The following PDZK1 variants were observed in gnomAD, a reference collection of about 807,000 sequenced individuals.
PDZK1 encodes the protein Na(+)/H(+) exchange regulatory cofactor NHE-RF3.
PDZK1 carries 23 observed loss-of-function variants against 38.1 expected under a neutral mutation model. The observed-to-expected ratio is 0.60, with a 90% CI of 0.43 to 0.85. The LOEUF is 0.85. Ranked by LOEUF, PDZK1 falls within the 40% of genes least tolerant of loss-of-function variation. PDZK1 has a pLI of 0.00. For synonymous variants in PDZK1, 98 were observed against 186.2 expected, an observed-to-expected ratio of 0.53 and a Z score of 3.86; for missense variants, 297 against 504.3, an observed-to-expected ratio of 0.59 and a Z score of 3.94.
chr1:145,686,723 C>T lies in PDZK1; in HGVS notation c.214G>A (p.Val72Met). The T allele has an allele frequency of 6.7e-7, 1 of 1,495,464 alleles. No homozygotes were observed. The highest frequency in any genetic ancestry group is 1.2e-5 in the South Asian group (1 of 84,244). 92.6% of individuals were successfully genotyped at this position (1,495,464 alleles called of 1,614,324 possible). The change falls in exon 3 of 9, where the codon GTG becomes ATG. Residue 72 changes from valine to methionine, a missense_variant. Transcript: ENST00000417171. ...FVDKEEHMQV[V>M]DLVRKSGNSV... is the part of the protein sequence containing the mutation. The stretch of plus-strand genomic sequence containing the variant: ...TTCCCACTCTTTCTGACCAGATCCA[C>T]AACCTAGGAGGGAAGAAGAAAAAGG...
At chr1:145,684,460 G>A (rs1349859678) in intron 3 of PDZK1, among the ~76,000 whole-genome samples, 44 of 151,840 alleles carry the variant, frequency 2.9e-4, no homozygotes, top group Non-Finnish European at 5.0e-4. Flanking sequence ...TGCCCGCCTC[G>A]GCCTCCCAAA....
intron 1 of PDZK1, among the ~76,000 whole-genome samples, chr1:145,703,564 C>T (rs1553705288): frequency 6.6e-6 from 1 of 152,118 alleles, no homozygotes. Flanking sequence ...AGTCTGGATT[C>T]CTTCCACCAT....
intron 1 of PDZK1, among the ~76,000 whole-genome samples, chr1:145,698,317 T>C (rs74119453): frequency 0.024 from 3,642 of 152,046 alleles, 148 homozygotes; most frequent in African/African-American, 0.083. Flanking sequence ...GAAATCTAGA[T>C]TTACATAAAA....
intron 5 of PDZK1, among the ~76,000 whole-genome samples, chr1:145,679,374 T>TC: frequency 1.3e-5 from 2 of 152,098 alleles, no homozygotes; most frequent in Non-Finnish European, 2.9e-5. Flanking sequence ...AACTGATTCT[T>TC]CCCCAGCATC....
intron 1 of PDZK1, among the ~76,000 whole-genome samples, chr1:145,704,525 C>A (rs1198112363): frequency 6.6e-6 from 1 of 152,164 alleles, no homozygotes; most frequent in Non-Finnish European, 1.5e-5. Context: ...ATTCATTTAA[C>A]CCTCATAACT....
At chr1:145,706,302 A>G (rs1338774067) in intron 1 of PDZK1, among the ~76,000 whole-genome samples, 1 of 152,234 alleles carries the variant, frequency 6.6e-6, no homozygotes, top group Non-Finnish European at 1.5e-5. Context: ...TTCACACCCT[A>G]TGGTGCAGAG....
intron 1 of PDZK1, among the ~76,000 whole-genome samples, chr1:145,689,164 G>A (rs587627807): frequency 1.1e-3 from 174 of 152,276 alleles, no homozygotes; most frequent in African/African-American, 4.1e-3. Flanking sequence ...GCTCACTGCA[G>A]CCTCGAATTC....
At chr1:145,686,181 C>G (rs1180695669) in intron 3 of PDZK1, among the ~76,000 whole-genome samples, 3 of 152,154 alleles carry the variant, frequency 2.0e-5, no homozygotes, top group Non-Finnish European at 4.4e-5. Context: ...CCCTCTGGCC[C>G]CCTGACCTCA....
chr1:145,676,655 G>A (rs1653708882), intron 6 of PDZK1, among the ~76,000 whole-genome samples: 1 of 149,302 alleles, frequency 6.7e-6, no homozygotes, highest in Admixed American at 6.7e-5. Flanking sequence ...GAACCCGGGA[G>A]GTGGAGATTG....
In PDZK1 at chr1:145,687,819, T is replaced by G. The variant is rs782103418; in HGVS notation, c.203A>C (p.His68Pro). The G allele has an allele frequency of 2.5e-6, 4 of 1,612,120 alleles. No homozygotes were observed. In the South Asian group the frequency reaches 4.4e-5, roughly 18 times the overall value. The change falls in exon 2 of 9, where the codon CAT (histidine) becomes CCT (proline). Residue 68 changes from histidine to proline, a missense_variant. Physicochemically the swap from His to Pro is moderately conservative, Grantham distance 77. This residue lies in a region of PDZK1 where 159 missense variants were observed against 200.0 expected (regional missense o/e 0.79). Transcript: ENST00000417171. ...INGVFVDKEE[H>P]MQVVDLVRKS... ...CCCAAATGTCTCATTCACCTGCATA[T>G]GTTCTTCTTTGTCCACAAAGACACC...
At position 145,672,865 on chromosome 1, in the gene PDZK1, C is replaced by T; in HGVS notation, c.1371G>A (p.Lys457=). 1.2e-6 allele frequency: 2 copies of T among 1,610,708 alleles called. No individual in the cohort carries two copies. The highest frequency in any genetic ancestry group is 3.3e-5 in the Admixed American group (2 of 59,918). ...TAGCTTGGAAATAATCATAGGCCTT[C>T]TTTCCACAGACTAGAAGTGTGACAT... ...GKNVTLLVCG[K]KAYDYFQAKK... is the part of the protein sequence containing the mutation. Residue 457 remains lysine (K), a synonymous_variant, in exon 8 of 9, where the codon AAG becomes AAA. Coordinates refer to ENST00000417171, the MANE Select transcript of PDZK1 (RefSeq NM_001201325.2).
intron 1 of PDZK1, among the ~76,000 whole-genome samples, chr1:145,693,541 G>A (rs1486616479): frequency 6.6e-6 from 1 of 151,920 alleles, no homozygotes; most frequent in African/African-American, 2.4e-5. Flanking sequence ...GGCCGAGGCC[G>A]AGGCAGGCAG....
intron 5 of PDZK1, among the ~76,000 whole-genome samples, chr1:145,679,741 G>T (rs1553699952): frequency 6.6e-6 from 1 of 152,066 alleles, no homozygotes; most frequent in Non-Finnish European, 1.5e-5. Flanking sequence ...GATGTGCAAA[G>T]CCCCCAAGAC....
rs1655740831 is a variant in PDZK1 at position 145,698,044 on chromosome 1, AG to A, written c.-3+9272del. Among the ~76,000 whole-genome samples the A allele has an allele frequency of 2.6e-5, 4 of 151,988 alleles. No homozygotes were observed. In the South Asian group the frequency reaches 6.2e-4, roughly 24 times the overall value. ...AATACCTCTTCTCCAGGGGCAGAAG[AG>A]AAGTAGAAAAAAATATGATAAAGAA... is the stretch of plus-strand genomic sequence containing the variant. On this transcript the variant is annotated intron_variant, in intron 1 of 8. Coordinates refer to ENST00000417171, the MANE Select transcript of PDZK1 (RefSeq NM_001201325.2).
chr1:145,699,113 C>A (rs943693800), intron 1 of PDZK1, among the ~76,000 whole-genome samples: 7 of 151,996 alleles, frequency 4.6e-5, no homozygotes, highest in African/African-American at 1.7e-4. Context: ...TGGTGGGCAT[C>A]TGTAATCCCA....
intron 1 of PDZK1, 52 bp from the exon 2 acceptor site, chr1:145,688,075 G>T: frequency 7.0e-7 from 1 of 1,435,280 alleles, no homozygotes; most frequent in Non-Finnish European, 9.8e-7. Flanking sequence ...AATCTAATTG[G>T]AGTGAGAACC....
At position 145,672,675 on chromosome 1, in the gene PDZK1, A is replaced by C. The variant is rs1196429435; in HGVS notation, c.1506+55T>G. On this transcript the variant is annotated intron_variant, in intron 8 of 8. Coordinates refer to ENST00000417171, the MANE Select transcript of PDZK1 (RefSeq NM_001201325.2). ...ATAGACATTAAATATACTCATAGGG[A>C]CTGTACCCATACTCTAGTAAATTAG... is the stretch of plus-strand genomic sequence containing the variant. 5.6e-6 allele frequency: 9 copies of C among 1,602,662 alleles called. No homozygotes were observed. In the African/African-American group the frequency reaches 1.2e-4, roughly 21 times the overall value.
intron 1 of PDZK1, among the ~76,000 whole-genome samples, chr1:145,699,133 G>T (rs1198143029): frequency 1.3e-5 from 2 of 151,928 alleles, no homozygotes; most frequent in Non-Finnish European, 2.9e-5. Context: ...AGCTACTCAG[G>T]AGTCTGAGGC....
chr1:145,694,519 G>C (rs782083084), intron 1 of PDZK1, among the ~76,000 whole-genome samples: 5 of 152,158 alleles, frequency 3.3e-5, no homozygotes, highest in Non-Finnish European at 7.4e-5. Context: ...GCAAAACACT[G>C]TCAAGTGGTT....
Sources: allele counts gnomAD v4.1 joint callset (sites outside exome capture counted in the v4.1 genomes callset), GRCh38; gene constraint gnomAD v4.1.1; regional missense constraint gnomAD v4.1.1; transcripts MANE v1.5; gene names NCBI Gene and HGNC (gene_info 2026-07-23, HGNC 2026-07-21).